SMTN: variants seen among roughly 807,000 people sequenced by gnomAD.
SMTN encodes the protein smoothelin.
In SMTN, 58 loss-of-function variants were observed where a neutral mutation model predicts 102.0. The ratio of observed to expected loss-of-function variants is 0.57; its 90% CI spans 0.46 to 0.71. SMTN has a LOEUF of 0.71. Ranked by LOEUF, SMTN falls within the 30% of genes least tolerant of loss-of-function variation. SMTN has a pLI of 0.00. For synonymous variants in SMTN, 478 were observed against 497.9 expected, an observed-to-expected ratio of 0.96 and a Z score of 0.53; for missense variants, 1,185 against 1,241.7, an observed-to-expected ratio of 0.95 and a Z score of 0.69.
intron 2 of SMTN, chr22:31,085,096 G>T (rs938960585): frequency 3.9e-5 from 60 of 1,534,966 alleles, no homozygotes; most frequent in Non-Finnish European, 5.0e-5. Context: ...GGACGCCTGG[G>T]GACTTGCACG....
At position 31,097,020 on chromosome 22, in the gene SMTN, C is replaced by A. The variant is rs753604832; in HGVS notation, c.2049C>A (p.Arg683=). 2.5e-6 allele frequency: 4 copies of A among 1,614,202 alleles called. No individual in the cohort carries two copies. The highest frequency in any genetic ancestry group is 2.5e-6 in the Non-Finnish European group (3 of 1,180,030). Residue 683 remains arginine (R), a synonymous_variant, in exon 15 of 21, where the codon CGC becomes CGA. Coordinates refer to ENST00000333137, the MANE Select transcript of SMTN (RefSeq NM_134269.3). ...CAGATGATGGCACACGGACGGCCCG[C>A]ACCACCACAGTGGAGTCGAGTTTCG... ...VHSNDGTRTA[R]TTTVESSFVR...
chr22:31,071,195 G>A (rs1292900259), intron 1 of SMTN, among the ~76,000 whole-genome samples: 1 of 149,976 alleles, frequency 6.7e-6, no homozygotes, highest in African/African-American at 2.5e-5. Context: ...AGCCATGATT[G>A]CGCCACTGCA....
At chr22:31,081,725 C>T (rs1184633374) in intron 1 of SMTN, among the ~76,000 whole-genome samples, 1 of 152,204 alleles carries the variant, frequency 6.6e-6, no homozygotes, top group African/African-American at 2.4e-5. Context: ...TCACAATGTC[C>T]GGCGACCCCA....
Position 31,104,355 on chromosome 22 carries a change from CATG to C in SMTN, c.*66_*68del. ...GTGTGCCCCTGGTGGAGGTGGACGA[CATG>C]ATGATCATGGGCAAGAAGCCTGACC... is the stretch of plus-strand genomic sequence containing the variant. On this transcript the variant is annotated 3_prime_UTR_variant, in exon 21 of 21. Coordinates refer to ENST00000333137, the MANE Select transcript of SMTN (RefSeq NM_134269.3). The C allele has an allele frequency of 1.2e-6, 2 of 1,614,208 alleles. No individual in the cohort carries two copies. The highest frequency in any genetic ancestry group is 1.7e-6 in the Non-Finnish European group (2 of 1,180,028).
At chr22:31,082,382 C>A (rs1419657101) in intron 1 of SMTN, 4 of 400,030 alleles carry the variant, frequency 1.0e-5, no homozygotes, top group Non-Finnish European at 2.1e-5. Flanking sequence ...TGTTCCAGGC[C>A]CTTGAGGGCA....
At chr22:31,078,187 G>A (rs1249904050), upstream of SMTN, among the ~76,000 whole-genome samples, 1 of 152,194 alleles carries the variant, frequency 6.6e-6, no homozygotes, top group Non-Finnish European at 1.5e-5. Flanking sequence ...CCTTACCTAG[G>A]GTTGGAGCCA....
chr22:31,087,703 G>A (rs2042798129), intron 2 of SMTN, among the ~76,000 whole-genome samples: 1 of 152,218 alleles, frequency 6.6e-6, no homozygotes. Context: ...CTTGGCACCT[G>A]GCACAAGTGG....
chr22:31,093,832 A>G, intron 11 of SMTN: 1 of 1,585,266 alleles, frequency 6.3e-7, no homozygotes, highest in South Asian at 1.1e-5. Context: ...TGCCTTCAGC[A>G]CCCGCCGCCG....
intron 20 of SMTN, chr22:31,101,495 T>C (rs982744249): frequency 2.4e-4 from 39 of 160,096 alleles, no homozygotes; most frequent in African/African-American, 9.1e-4. Flanking sequence ...AGTTAGAAGT[T>C]TGACCTTCTG....
chr22:31,068,415 T>C (rs1003326307), intron 1 of SMTN: 3 of 152,100 alleles, frequency 2.0e-5, no homozygotes, highest in African/African-American at 7.2e-5. Context: ...GATTCCTCAT[T>C]GCCTGCTCCC....
chr22:31,064,623 G>C (rs1274294888), intron 1 of SMTN: 1 of 152,158 alleles, frequency 6.6e-6, no homozygotes, highest in Non-Finnish European at 1.5e-5. Context: ...CTCCAGAGTA[G>C]CTGGGACTAC....
chr22:31,099,120 GC>G lies in SMTN; in HGVS notation c.2394del (p.Asn799ThrfsTer112). 1.2e-6 allele frequency: 2 copies of G among 1,613,262 alleles called. No individual in the cohort carries two copies. The highest frequency in any genetic ancestry group is 1.7e-6 in the Non-Finnish European group (2 of 1,179,938). Reference protein sequence around the residue: ...QRSTSFGVPNANSIKQMLLDW... With the variant: ...QRSTSFGVPNXNSIKQMLLDW... Reference sequence around the variant, plus strand: ...ATCCACCAGCTTCGGGGTCCCCAACGCCAACAGCATCAAGCAGATGCTGCTG... The same window carrying G: ...ATCCACCAGCTTCGGGGTCCCCAACGCAACAGCATCAAGCAGATGCTGCTG... On this transcript the variant is annotated frameshift_variant, in exon 18 of 21. Coordinates refer to ENST00000333137, the MANE Select transcript of SMTN (RefSeq NM_134269.3). LOFTEE classifies it high-confidence loss of function.
rs371060677 is a variant in SMTN, at chr22:31,099,104, C to T, written c.2376C>T (p.Ser792=). Residue 792 remains serine, a synonymous_variant, in exon 18 of 21, where the codon AGC becomes AGT. Coordinates refer to ENST00000333137, the MANE Select transcript of SMTN (RefSeq NM_134269.3). The part of the protein sequence containing the change: ...GPRAAVQRST[S]FGVPNANSIK... ...GCGCAGCCGTGCAGCGATCCACCAG[C>T]TTCGGGGTCCCCAACGCCAACAGCA... is the stretch of plus-strand genomic sequence containing the variant. 3.7e-5 allele frequency: 60 copies of T among 1,613,140 alleles called. No homozygotes were observed. In the Middle Eastern group the frequency reaches 4.9e-4, roughly 13 times the overall value.
Position 31,104,304 on chromosome 22 carries a change from C to T in SMTN, c.*21-12C>T, listed in dbSNP as rs199573925. The T allele has an allele frequency of 2.2e-5, 35 of 1,613,620 alleles. No homozygotes were observed. The highest frequency in any genetic ancestry group is 2.5e-5 in the Non-Finnish European group (29 of 1,179,644). On this transcript the variant is annotated splice_polypyrimidine_tract_variant and intron_variant, in intron 20 of 20. Transcript: ENST00000333137. ...TGGCGCTGACATCCAACCCCGTGCCCCCTCCCTGCAGGATGCTGGTGGACT... is the reference window on the plus strand; with the variant it reads ...TGGCGCTGACATCCAACCCCGTGCCTCCTCCCTGCAGGATGCTGGTGGACT...
At position 31,087,995 on chromosome 22, in the gene SMTN, C is replaced by G. The variant is rs760671053; in HGVS notation, c.82C>G (p.Arg28Gly). The change falls in exon 3 of 21, where the codon CGG (arginine) becomes GGG (glycine). Residue 28 changes from arginine (R) to glycine (G), a missense_variant. Transcript: ENST00000333137. ...GGTCACAGCAGATCTGGCAGAGCGG[C>G]GGCGCATCCGCTCAGCCATCCGGGA... ...LEVTADLAER[R>G]RIRSAIRELQ... The G allele has an allele frequency of 3.7e-6, 6 of 1,606,954 alleles. No homozygotes were observed. The highest frequency in any genetic ancestry group is 5.1e-6 in the Non-Finnish European group (6 of 1,175,126).
At chr22:31,091,543 C>G in intron 10 of SMTN, 61 bp downstream of exon 10, 8 of 1,511,320 alleles carry the variant, frequency 5.3e-6, no homozygotes, top group Non-Finnish European at 7.1e-6. Context: ...CTTCTGCATG[C>G]AGGACAGGTG....
rs2042912310 is a variant in SMTN at position 31,088,922 on chromosome 22, A to G, written c.424A>G (p.Arg142Gly). ...CAGCGGGCGTCCCAACAGTGGCTCA[A>G]GAGAGGACAGCAAGGGGCTAGCGGC... ...LYSGRPNSGS[R>G]EDSKGLAAHR... The change falls in exon 6 of 21, where the codon AGA (arginine) becomes GGA (glycine). Residue 142 changes from arginine (R) to glycine (G), a missense_variant. Physicochemically the swap from Arg to Gly is moderately radical, Grantham distance 125. Transcript: ENST00000333137. 6.2e-7 allele frequency: 1 copy of G among 1,613,920 alleles called. No homozygotes were observed.
chr22:31,091,588 T>C, intron 10 of SMTN, 87 bp from the exon 11 acceptor site: 1 of 1,515,630 alleles, frequency 6.6e-7, no homozygotes, highest in Non-Finnish European at 8.9e-7. Context: ...CCAAAGGGTG[T>C]GCTGGGAGCG....
upstream of SMTN, among the ~76,000 whole-genome samples, chr22:31,077,160 C>T (rs1043872464): frequency 6.6e-5 from 10 of 152,160 alleles, no homozygotes; most frequent in Non-Finnish European, 1.0e-4. Context: ...GTAATCCTAG[C>T]ACTTTGGAAG....
Sources: gnomAD v4.1 joint callset for allele counts (sites outside exome capture counted in the v4.1 genomes callset) on GRCh38, gnomAD v4.1.1 for gene constraint, MANE v1.5 for transcripts, NCBI Gene and HGNC (gene_info 2026-07-23, HGNC 2026-07-21) for gene names.